C12orf54: variants seen among roughly 807,000 people sequenced by gnomAD.
C12orf54 encodes the protein uncharacterized protein C12orf54.
A neutral mutation model predicts 26.4 loss-of-function variants in C12orf54; 24 were observed. The observed-to-expected ratio is 0.91, with a 90% CI of 0.66 to 1.28. The LOEUF is 1.28. Among genes scored for constraint, C12orf54 ranks in the 50% most tolerant of loss-of-function variants. The probability of loss-of-function intolerance (pLI) is 0.00; values close to 1 mark genes in which losing one functional copy is unlikely to be tolerated. For missense variants in C12orf54, 154 were observed against 150.9 expected (o/e 1.02, Z -0.11); for synonymous variants, 54 against 47.0 (o/e 1.15, Z -0.61).
intron 4 of C12orf54, chr12:48,488,329 A>C (rs1052013774): frequency 3.0e-5 from 16 of 537,090 alleles, no homozygotes; most frequent in Admixed American, 9.5e-5. Context: ...ACCTACAGAC[A>C]GAATGCTGTG....
chr12:48,457,658 C>T, the C12orf54 span, among the ~76,000 whole-genome samples: 22,028 of 152,082 alleles, frequency 0.14, 2,809 homozygotes, highest in East Asian at 0.66. Context: ...TGTTTGGCCC[C>T]TCCAAGCCTG....
intron 1 of C12orf54, among the ~76,000 whole-genome samples, chr12:48,482,983 CAA>C (rs1954214704): frequency 6.6e-6 from 1 of 151,724 alleles, no homozygotes; most frequent in African/African-American, 2.4e-5. Flanking sequence ...TTGTTACTGA[CAA>C]AGACTATAGG....
At chr12:48,415,072 C>A in the C12orf54 span, among the ~76,000 whole-genome samples, 1 of 152,186 alleles carries the variant, frequency 6.6e-6, no homozygotes, top group South Asian at 2.1e-4. Flanking sequence ...GTTTGAATGT[C>A]ATCAAGAACT....
At chr12:48,473,117 T>A in the C12orf54 span, 1 of 1,612,422 alleles carries the variant, frequency 6.2e-7, no homozygotes, top group Non-Finnish European at 8.5e-7. Context: ...GTGACCCGGA[T>A]GACAAGGAGG....
At chr12:48,472,895 A>T in the C12orf54 span, 1 of 1,614,198 alleles carries the variant, frequency 6.2e-7, no homozygotes, top group Non-Finnish European at 8.5e-7. Flanking sequence ...ACAGAGCCTC[A>T]GTGGGCCTAG....
At chr12:48,484,212 G>A (rs994476214) in intron 2 of C12orf54, among the ~76,000 whole-genome samples, 1 of 152,196 alleles carries the variant, frequency 6.6e-6, no homozygotes, top group Non-Finnish European at 1.5e-5. Flanking sequence ...AATTTGGGAA[G>A]AGAAAGTGAA....
chr12:48,486,565 T>G (rs1592200360), intron 3 of C12orf54, 123 bp from the exon 4 acceptor site: 1 of 983,892 alleles, frequency 1.0e-6, no homozygotes, highest in Non-Finnish European at 1.5e-6. Context: ...AGAAATGGGG[T>G]GATTTTGGGT....
the C12orf54 span, among the ~76,000 whole-genome samples, chr12:48,433,463 G>GC: frequency 6.7e-6 from 1 of 149,346 alleles, no homozygotes; most frequent in Admixed American, 6.6e-5. Context: ...TTTGGGGGGG[G>GC]GGGGGGCAGG....
At chr12:48,425,892 G>A in the C12orf54 span, among the ~76,000 whole-genome samples, 3 of 147,818 alleles carry the variant, frequency 2.0e-5, no homozygotes, top group South Asian at 2.1e-4. Context: ...GAAAAGTATC[G>A]GTTCATATCT....
chr12:48,414,747 G>A, the C12orf54 span, among the ~76,000 whole-genome samples: 1 of 152,186 alleles, frequency 6.6e-6, no homozygotes, highest in Non-Finnish European at 1.5e-5. Context: ...CCCCTGGGAT[G>A]GGCATCCACT....
At chr12:48,458,939 T>G in the C12orf54 span, among the ~76,000 whole-genome samples, 1 of 152,126 alleles carries the variant, frequency 6.6e-6, no homozygotes, top group African/African-American at 2.4e-5. Context: ...GCTGCCCAAC[T>G]TTTCAAGCAG....
intron 2 of C12orf54, 29 bp from the exon 3 acceptor site, chr12:48,486,149 A>G (rs768881712): frequency 1.1e-5 from 17 of 1,595,902 alleles, no homozygotes; most frequent in Middle Eastern, 1.7e-4. Context: ...TGTGCTCCTC[A>G]TCAGGTTTAT....
the C12orf54 span, among the ~76,000 whole-genome samples, chr12:48,430,577 C>G: frequency 6.6e-6 from 1 of 152,012 alleles, no homozygotes; most frequent in Non-Finnish European, 1.5e-5. Context: ...CAGAGAAATG[C>G]AAATCAAAAC....
At chr12:48,450,467 C>T in the C12orf54 span, among the ~76,000 whole-genome samples, 1 of 152,164 alleles carries the variant, frequency 6.6e-6, no homozygotes, top group Admixed American at 6.5e-5. Context: ...TAGCAGAACA[C>T]AAGAAATAGC....
the C12orf54 span, among the ~76,000 whole-genome samples, chr12:48,447,639 A>G: frequency 1.3e-5 from 2 of 152,134 alleles, no homozygotes; most frequent in Non-Finnish European, 2.9e-5. Flanking sequence ...AAGTTAGAAT[A>G]TGGTTTCTCG....
chr12:48,430,394 T>C, the C12orf54 span, among the ~76,000 whole-genome samples: 9 of 152,068 alleles, frequency 5.9e-5, no homozygotes, highest in Non-Finnish European at 1.2e-4. Flanking sequence ...AAAATCTTCA[T>C]AATCTATACA....
chr12:48,446,182 C>A, the C12orf54 span, among the ~76,000 whole-genome samples: 1 of 152,232 alleles, frequency 6.6e-6, no homozygotes, highest in African/African-American at 2.4e-5. Context: ...TGTACCACAA[C>A]TGTCTGATCT....
chr12:48,486,061 G>A lies in C12orf54; in HGVS notation c.66-117G>A, dbSNP rs4343068. On this transcript the variant is annotated intron_variant, in intron 2 of 8. Coordinates refer to ENST00000548364, the MANE Select transcript of C12orf54 (RefSeq NM_152319.4). ...GGCAGGACCGTGGCTACCCTTCCTGGATTTTTAGTATAGAAACTTCAAGAA... is the reference window on the plus strand; with the variant it reads ...GGCAGGACCGTGGCTACCCTTCCTGAATTTTTAGTATAGAAACTTCAAGAA... 4.3e-3 allele frequency: 4,455 copies of A among 1,042,154 alleles called. 209 individuals carry two copies. The Admixed American group carries it at 0.08, about 19-fold the overall frequency. 64.6% of individuals were successfully genotyped at this position (1,042,154 alleles called of 1,614,324 possible).
chr12:48,434,692 G>C, the C12orf54 span, among the ~76,000 whole-genome samples: 2 of 152,198 alleles, frequency 1.3e-5, no homozygotes, highest in South Asian at 4.1e-4. Flanking sequence ...CAGACCTGCA[G>C]CTGAGGGTCC....
Sources: allele counts gnomAD v4.1 joint callset (sites outside exome capture counted in the v4.1 genomes callset), GRCh38; gene constraint gnomAD v4.1.1; transcripts MANE v1.5; gene names NCBI Gene and HGNC (gene_info 2026-07-23, HGNC 2026-07-21).